Variants in EIF4G3 observed in about 807,000 individuals in gnomAD.
The protein encoded by EIF4G3 is eIF-4-gamma 3.
Under a neutral mutation model 186.4 loss-of-function variants are expected in EIF4G3, and 34 were observed. The ratio of observed to expected loss-of-function variants is 0.18; its 90% CI spans 0.14 to 0.24. The LOEUF (loss-of-function observed/expected upper bound fraction) is 0.24. Ranked by LOEUF, EIF4G3 falls within the 10% of genes least tolerant of loss-of-function variation. EIF4G3 has a pLI of 1.00. For missense variants in EIF4G3, 1,536 were observed against 1,948.5 expected (o/e 0.79, Z 3.99); for synonymous variants, 673 against 679.5 (o/e 0.99, Z 0.15).
chr1:20,957,338 A>T (rs545295189), intron 12 of EIF4G3, among the ~76,000 whole-genome samples: 1 of 152,320 alleles, frequency 6.6e-6, no homozygotes, highest in South Asian at 2.1e-4. Context: ...ATCTGAATCA[A>T]ATGATAATAA....
chr1:21,051,482 T>C (rs2094210576), intron 3 of EIF4G3, among the ~76,000 whole-genome samples: 1 of 152,158 alleles, frequency 6.6e-6, no homozygotes, highest in Non-Finnish European at 1.5e-5. Flanking sequence ...TGAATTTTAC[T>C]AAATTACATC....
intron 4 of EIF4G3, among the ~76,000 whole-genome samples, chr1:21,049,886 G>C (rs867453192): frequency 1.3e-5 from 2 of 151,932 alleles, no homozygotes; most frequent in Non-Finnish European, 1.5e-5. Context: ...GCAAGACCCT[G>C]TCTTTAAAAA....
chr1:21,081,927 G>A (rs918016598), intron 3 of EIF4G3, among the ~76,000 whole-genome samples: 3 of 151,898 alleles, frequency 2.0e-5, no homozygotes, highest in Non-Finnish European at 2.9e-5. Context: ...ACAGGAGTGA[G>A]CCAACCACGC....
chr1:21,159,565 C>T (rs939381377), intron 2 of EIF4G3, among the ~76,000 whole-genome samples: 8 of 151,386 alleles, frequency 5.3e-5, no homozygotes, highest in Admixed American at 2.6e-4. Context: ...GGCGAAACCT[C>T]GTCTCTACTA....
At chr1:20,816,047 A>G (rs1421952181) in intron 34 of EIF4G3, among the ~76,000 whole-genome samples, 5 of 62,292 alleles carry the variant, frequency 8.0e-5, no homozygotes, top group Admixed American at 1.5e-4. Context: ...TCCGGGAGGG[A>G]GGAGGGGGGT....
intron 3 of EIF4G3, among the ~76,000 whole-genome samples, chr1:21,067,812 A>T (rs1374684592): frequency 7.2e-5 from 11 of 152,180 alleles, no homozygotes; most frequent in Non-Finnish European, 1.6e-4. Context: ...AGTGAGAGTT[A>T]TTGAACTCTC....
In EIF4G3 at chr1:20,893,643, GA is replaced by G; in HGVS notation, c.2134-8del. On this transcript the variant is annotated splice_polypyrimidine_tract_variant and splice_region_variant and intron_variant, in intron 17 of 36. Transcript: ENST00000602326. Reference sequence around the variant, plus strand: ...GCAATTTGGGTTGGTTGATCTGCATGAAAAAGCAAAAGAAAGCTTAATACAT... The same window carrying G: ...GCAATTTGGGTTGGTTGATCTGCATGAAAAGCAAAAGAAAGCTTAATACAT... 4 of 1,542,836 alleles carry G rather than the reference GA, an allele frequency of 2.6e-6. No individual in the cohort carries two copies. Among genetic ancestry groups the G allele is most frequent in the Non-Finnish European group, 3.5e-6 (4 of 1,132,306 alleles).
At chr1:20,832,988 GTACCATGCTGTTT>G (rs2065746434) in intron 30 of EIF4G3, among the ~76,000 whole-genome samples, 1 of 66,376 alleles carries the variant, frequency 1.5e-5, no homozygotes, top group African/African-American at 5.8e-5. Context: ...TTTGGTACCA[GTACCATGCTGTTT>G]TGGTTACTGT....
Position 20,950,118 on chromosome 1 carries a change from T to A in EIF4G3, c.715-7A>T, listed in dbSNP as rs769371212. 1.3e-6 allele frequency: 2 copies of A among 1,572,086 alleles called. No homozygotes were observed. The highest frequency in any genetic ancestry group is 1.7e-6 in the Non-Finnish European group (2 of 1,165,214). On this transcript the variant is annotated splice_region_variant and splice_polypyrimidine_tract_variant and intron_variant, in intron 12 of 36. Coordinates refer to ENST00000602326, the MANE Select transcript of EIF4G3 (RefSeq NM_001391906.1). ...GGACCTGGCTGGGCAGCTGCTGGGATTTGAAGTACAAAAAAGGGTGATAAT... is the reference window on the plus strand; with the variant it reads ...GGACCTGGCTGGGCAGCTGCTGGGAATTGAAGTACAAAAAAGGGTGATAAT...
chr1:21,069,768 G>C (rs1419229741), intron 3 of EIF4G3, among the ~76,000 whole-genome samples: 8 of 152,162 alleles, frequency 5.3e-5, no homozygotes, highest in African/African-American at 1.7e-4. Context: ...TTTTTACCGG[G>C]GGAGAGGAGG....
chr1:20,914,549 C>A (rs1158181614), intron 14 of EIF4G3, among the ~76,000 whole-genome samples: 1 of 152,016 alleles, frequency 6.6e-6, no homozygotes, highest in Non-Finnish European at 1.5e-5. Flanking sequence ...ATTTTTGGCC[C>A]AAATGAAACC....
At chr1:20,897,060 A>C (rs1040984865) in intron 16 of EIF4G3, among the ~76,000 whole-genome samples, 4 of 152,222 alleles carry the variant, frequency 2.6e-5, no homozygotes, top group African/African-American at 9.6e-5. Context: ...ACATTCCCTA[A>C]GAGTACAAAC....
In EIF4G3 at chr1:21,176,259, G is replaced by A; in HGVS notation, c.-356C>T. 5.3e-6 allele frequency: 2 copies of A among 378,008 alleles called. No individual in the cohort carries two copies. The highest frequency in any genetic ancestry group is 8.4e-5 in the South Asian group (1 of 11,894). The allele number at this position is 378,008 out of a possible 1,614,324, so 23.4% of individuals were successfully genotyped here. A position where few individuals can be genotyped will look rare whatever the true frequency, so the allele number is the denominator to read the frequency against. ...CGCCGCCGCCGCCGCCGCCGCCGCC[G>A]CCGCCGCTGCTGCCGCCGCCGGGTG... On this transcript the variant is annotated 5_prime_UTR_variant, in exon 2 of 37. Transcript: ENST00000602326.
chr1:20,931,043 G>GGC (rs2095286402), intron 14 of EIF4G3, among the ~76,000 whole-genome samples: 1 of 151,620 alleles, frequency 6.6e-6, no homozygotes, highest in South Asian at 2.1e-4. Context: ...AAATTATTTT[G>GGC]GCTATTTGGT....
intron 12 of EIF4G3, among the ~76,000 whole-genome samples, chr1:20,952,627 T>C (rs751031941): frequency 4.6e-5 from 7 of 152,142 alleles, no homozygotes; most frequent in Middle Eastern, 3.2e-3. Flanking sequence ...GGCAGACAGA[T>C]CACCAGAGGT....
intron 14 of EIF4G3, among the ~76,000 whole-genome samples, chr1:20,939,465 C>T (rs1367380015): frequency 6.6e-6 from 1 of 152,124 alleles, no homozygotes; most frequent in East Asian, 1.9e-4. Context: ...ATTATTTAAA[C>T]CAAAATTCTG....
intron 4 of EIF4G3, among the ~76,000 whole-genome samples, chr1:21,035,348 G>A (rs891059391): frequency 1.3e-5 from 2 of 152,212 alleles, no homozygotes; most frequent in Non-Finnish European, 2.9e-5. Flanking sequence ...CACCCCTCCT[G>A]AGTTGGCAGG....
chr1:20,963,588 AT>A (rs1558462605), intron 12 of EIF4G3, among the ~76,000 whole-genome samples: 1 of 152,168 alleles, frequency 6.6e-6, no homozygotes, highest in African/African-American at 2.4e-5. Flanking sequence ...TTTCATTACA[AT>A]AATAATTCTA....
chr1:20,935,163 A>T (rs186037068), intron 14 of EIF4G3, among the ~76,000 whole-genome samples: 3 of 152,290 alleles, frequency 2.0e-5, no homozygotes, highest in Admixed American at 6.5e-5. Context: ...CCATCTCTGA[A>T]AGATTAATAG....
Sources: gnomAD v4.1 joint callset for allele counts (sites outside exome capture counted in the v4.1 genomes callset) on GRCh38, gnomAD v4.1.1 for gene constraint, MANE v1.5 for transcripts, NCBI Gene and HGNC (gene_info 2026-07-23, HGNC 2026-07-21) for gene names.